The following CAST variants were observed in gnomAD, a reference collection of about 807,000 sequenced individuals.
CAST encodes MIR583 host.
Under a neutral mutation model 119.6 loss-of-function variants are expected in CAST, and 76 were observed. That is an observed-to-expected ratio of 0.64 (90% CI 0.53 to 0.77). The LOEUF (loss-of-function observed/expected upper bound fraction) is 0.77. Among genes scored for constraint, CAST ranks in the 30% least tolerant of loss-of-function variants. The pLI is 0.00. For missense variants in CAST, 953 were observed against 946.5 expected (o/e 1.01, Z -0.09); for synonymous variants, 319 against 331.6 (o/e 0.96, Z 0.41).
the CAST span, among the ~76,000 whole-genome samples, chr5:96,389,743 C>T: frequency 2.0e-5 from 3 of 152,082 alleles, no homozygotes; most frequent in African/African-American, 7.2e-5. Context: ...TGAGACCAGC[C>T]TGGGCAACAT....
chr5:96,029,793 T>A, the CAST span, among the ~76,000 whole-genome samples: 1 of 152,084 alleles, frequency 6.6e-6, no homozygotes, highest in Non-Finnish European at 1.5e-5. Context: ...GTTGTTAACT[T>A]CTCATATGCA....
chr5:96,754,981 CT>C, intron 22 of CAST: 1 of 290,044 alleles, frequency 3.4e-6, no homozygotes, highest in Non-Finnish European at 6.5e-6. Context: ...TAATGTTTTC[CT>C]TTCTAACCCA....
chr5:96,311,129 C>G, the CAST span, among the ~76,000 whole-genome samples: 6 of 151,926 alleles, frequency 3.9e-5, no homozygotes, highest in Middle Eastern at 3.2e-3. Context: ...TGTTGTGTCT[C>G]TATTTTTGTT....
intron 1 of CAST, among the ~76,000 whole-genome samples, chr5:96,547,772 G>T (rs1371835946): frequency 1.3e-5 from 2 of 152,180 alleles, no homozygotes; most frequent in African/African-American, 4.8e-5. Flanking sequence ...GTCAAATGGG[G>T]TTGTGATAGA....
intron 3 of CAST, chr5:96,714,499 C>T (rs1756844314): frequency 6.6e-6 from 1 of 152,212 alleles, no homozygotes; most frequent in South Asian, 2.1e-4. Context: ...CTCATGGCTC[C>T]TGTAGTGCCT....
chr5:96,018,789 G>A, the CAST span, among the ~76,000 whole-genome samples: 1 of 152,152 alleles, frequency 6.6e-6, no homozygotes, highest in South Asian at 2.1e-4. Flanking sequence ...TTAAAAGAAA[G>A]AATCTCATAT....
chr5:96,426,086 G>C, the CAST span, among the ~76,000 whole-genome samples: 1 of 152,132 alleles, frequency 6.6e-6, no homozygotes, highest in Non-Finnish European at 1.5e-5. Context: ...TGAGAAGAAG[G>C]GATTGCCCAC....
the CAST span, among the ~76,000 whole-genome samples, chr5:96,280,757 T>A: frequency 1.3e-5 from 2 of 151,894 alleles, no homozygotes; most frequent in Non-Finnish European, 2.9e-5. Context: ...AAGGTAGAGG[T>A]AAGATTTTTT....
intron 24 of CAST, among the ~76,000 whole-genome samples, chr5:96,759,650 T>C (rs539876791): frequency 2.6e-5 from 4 of 152,120 alleles, no homozygotes; most frequent in South Asian, 4.1e-4. Flanking sequence ...AATAGTTGTT[T>C]CTTTTGAAAT....
At chr5:96,068,742 G>C in the CAST span, among the ~76,000 whole-genome samples, 1 of 150,894 alleles carries the variant, frequency 6.6e-6, no homozygotes, top group South Asian at 2.1e-4. Flanking sequence ...TAGTAAATGT[G>C]TATGTAAATA....
chr5:96,357,460 C>G, the CAST span, among the ~76,000 whole-genome samples: 1 of 152,114 alleles, frequency 6.6e-6, no homozygotes, highest in Non-Finnish European at 1.5e-5. Flanking sequence ...ACGATATTGG[C>G]TGTGGGTTTG....
chr5:96,542,572 C>T (rs1384285302), intron 1 of CAST, among the ~76,000 whole-genome samples: 1 of 93,902 alleles, frequency 1.1e-5, no homozygotes, highest in Non-Finnish European at 2.3e-5. Flanking sequence ...TGCCATAAGG[C>T]ACCAAAGATG....
At chr5:96,345,159 T>C in the CAST span, among the ~76,000 whole-genome samples, 1 of 152,174 alleles carries the variant, frequency 6.6e-6, no homozygotes, top group East Asian at 1.9e-4. Context: ...ACAAGGAGTC[T>C]TACCAGTCTC....
chr5:96,740,366 G>C (rs1036161903), intron 12 of CAST, among the ~76,000 whole-genome samples: 2 of 152,160 alleles, frequency 1.3e-5, no homozygotes, highest in Non-Finnish European at 2.9e-5. Flanking sequence ...GGTGTCAGCA[G>C]TGCTGGTTCC....
At chr5:96,663,291 G>C in intron 1 of CAST, 2 of 695,556 alleles carry the variant, frequency 2.9e-6, no homozygotes, top group Non-Finnish European at 5.3e-6. Context: ...GAAGGGGTGC[G>C]GACCGGGTGC....
At chr5:96,147,031 AG>A in the CAST span, among the ~76,000 whole-genome samples, 1 of 152,206 alleles carries the variant, frequency 6.6e-6, no homozygotes, top group South Asian at 2.1e-4. Flanking sequence ...ATGGATAGTC[AG>A]CAAGCCCTAC....
At chr5:96,061,671 G>C in the CAST span, among the ~76,000 whole-genome samples, 1 of 151,894 alleles carries the variant, frequency 6.6e-6, no homozygotes, top group East Asian at 1.9e-4. Context: ...GTGTGTGCGT[G>C]TGTGTGTGTA....
the CAST span, among the ~76,000 whole-genome samples, chr5:96,170,639 T>C: frequency 6.6e-6 from 1 of 152,192 alleles, no homozygotes; most frequent in African/African-American, 2.4e-5. Context: ...TTCTGACCTT[T>C]CAGGGTCTAG....
At chr5:96,425,065 A>G in the CAST span, among the ~76,000 whole-genome samples, 2 of 143,880 alleles carry the variant, frequency 1.4e-5, no homozygotes, top group East Asian at 4.1e-4. Context: ...AGAAAGAAAG[A>G]AAGAAAGAAA....
Sources: gnomAD v4.1 joint callset for allele counts (sites outside exome capture counted in the v4.1 genomes callset) on GRCh38, gnomAD v4.1.1 for gene constraint, MANE v1.5 for transcripts, NCBI Gene and HGNC (gene_info 2026-07-23, HGNC 2026-07-21) for gene names.